PDE10A: variants seen among roughly 807,000 people sequenced by gnomAD.
The protein encoded by PDE10A is phosphodiesterase 10A.
A neutral mutation model predicts 97.7 loss-of-function variants in PDE10A; 39 were observed. The observed-to-expected ratio is 0.40, with a 90% CI of 0.31 to 0.52. The LOEUF is 0.52. PDE10A is among the 20% of genes least tolerant of loss of function. PDE10A has a pLI of 0.56. For missense variants in PDE10A, 731 were observed against 1,047.8 expected (o/e 0.70, Z 4.17); for synonymous variants, 371 against 376.8 (o/e 0.98, Z 0.18).
intron 1 of PDE10A, among the ~76,000 whole-genome samples, chr6:165,717,410 T>C (rs1792051024): frequency 6.6e-6 from 1 of 152,130 alleles, no homozygotes; most frequent in African/African-American, 2.4e-5. Context: ...ACCAATATGA[T>C]GAAACCCTGT....
chr6:165,535,689 G>T (rs879402878), intron 2 of PDE10A, among the ~76,000 whole-genome samples: 3 of 151,452 alleles, frequency 2.0e-5, no homozygotes, highest in African/African-American at 4.8e-5. Context: ...TTTTGCTATT[G>T]TGAATAGTGC....
At chr6:165,452,132 T>C (rs573458196) in intron 3 of PDE10A, among the ~76,000 whole-genome samples, 3 of 152,334 alleles carry the variant, frequency 2.0e-5, no homozygotes, top group South Asian at 2.1e-4. Context: ...TATGTGAATA[T>C]ATACCTGGCT....
chr6:165,840,402 T>G (rs545929751), intron 1 of PDE10A, among the ~76,000 whole-genome samples: 1 of 152,214 alleles, frequency 6.6e-6, no homozygotes, highest in Non-Finnish European at 1.5e-5. Context: ...TTTGCTCCAT[T>G]CTAGAGCTGA....
intron 1 of PDE10A, among the ~76,000 whole-genome samples, chr6:165,908,388 T>C (rs1255661071): frequency 1.3e-5 from 2 of 152,128 alleles, no homozygotes; most frequent in East Asian, 1.9e-4. Flanking sequence ...TGGGCTACCG[T>C]TGGGTTGGAG....
At chr6:165,484,203 A>G (rs1779765743) in intron 2 of PDE10A, among the ~76,000 whole-genome samples, 1 of 152,176 alleles carries the variant, frequency 6.6e-6, no homozygotes, top group South Asian at 2.1e-4. Flanking sequence ...ATTTAGTTGA[A>G]CTCTCTTGCC....
intron 18 of PDE10A, among the ~76,000 whole-genome samples, chr6:165,344,636 C>T (rs988906046): frequency 6.6e-6 from 1 of 152,190 alleles, no homozygotes; most frequent in Admixed American, 6.5e-5. Context: ...TAGTAGTGCT[C>T]TTAGCACATC....
At chr6:165,623,016 G>A (rs1201707174) in intron 1 of PDE10A, among the ~76,000 whole-genome samples, 6 of 152,262 alleles carry the variant, frequency 3.9e-5, no homozygotes, top group Non-Finnish European at 7.4e-5. Context: ...TTCACCTTCT[G>A]CCATGAGTGT....
intron 6 of PDE10A, among the ~76,000 whole-genome samples, chr6:165,434,353 C>A (rs1359265759): frequency 1.3e-5 from 2 of 150,928 alleles, no homozygotes; most frequent in African/African-American, 2.4e-5. Context: ...GGTGGAAAAA[C>A]CAAAATTAAA....
At chr6:165,772,028 T>C (rs1583066134) in intron 1 of PDE10A, among the ~76,000 whole-genome samples, 1 of 152,212 alleles carries the variant, frequency 6.6e-6, no homozygotes, top group East Asian at 1.9e-4. Context: ...TTCACCGCCC[T>C]GTCTTTTGCT....
rs758184923 is a variant in PDE10A, at chr6:165,430,352, T to C, written c.1543-7A>G. 12 of 1,546,794 alleles carry C rather than the reference T, an allele frequency of 7.8e-6. No individual in the cohort carries two copies. The South Asian group carries it at 1.2e-4, about 16-fold the overall frequency. ...TGGCAAGGCCTCTGCATACCTACCA[T>C]ATAAAATAATAGGTACAATTACAAG... On this transcript the variant is annotated splice_polypyrimidine_tract_variant and splice_region_variant and intron_variant, in intron 8 of 21. Coordinates refer to ENST00000539869, the MANE Select transcript of PDE10A (RefSeq NM_001385079.1).
At chr6:165,341,261 T>C (rs888481451) in intron 19 of PDE10A, among the ~76,000 whole-genome samples, 2 of 152,216 alleles carry the variant, frequency 1.3e-5, no homozygotes, top group Admixed American at 1.3e-4. Context: ...TGAATCATTA[T>C]CTGTGGACTG....
Position 165,606,641 on chromosome 6 carries a change from G to C in PDE10A, c.865+55306C>G, listed in dbSNP as rs540002304. ...AAATACCACATCACTAATGACTATAGTGGGAACAGGGAAACATTTCTTAAG... is the reference window on the plus strand; with the variant it reads ...AAATACCACATCACTAATGACTATACTGGGAACAGGGAAACATTTCTTAAG... On this transcript the variant is annotated intron_variant, in intron 1 of 21. Coordinates refer to ENST00000539869, the MANE Select transcript of PDE10A (RefSeq NM_001385079.1). 2.6e-5 allele frequency among the ~76,000 whole-genome samples: 4 copies of C among 152,260 alleles called. No individual in the cohort carries two copies. In the East Asian group the frequency reaches 5.8e-4, roughly 22 times the overall value.
intron 1 of PDE10A, among the ~76,000 whole-genome samples, chr6:165,558,088 G>C (rs1213997240): frequency 5.9e-5 from 9 of 152,096 alleles, no homozygotes; most frequent in Non-Finnish European, 8.8e-5. Context: ...ATTTGACCCA[G>C]CCATCCCATT....
At chr6:165,591,963 T>C (rs538923299) in intron 1 of PDE10A, among the ~76,000 whole-genome samples, 25 of 152,208 alleles carry the variant, frequency 1.6e-4, no homozygotes, top group South Asian at 8.3e-4. Flanking sequence ...CCCTGCAGCA[T>C]TGGTTTTAAT....
intron 1 of PDE10A, among the ~76,000 whole-genome samples, chr6:165,625,487 G>A (rs991083643): frequency 5.3e-5 from 8 of 152,190 alleles, no homozygotes; most frequent in Non-Finnish European, 7.3e-5. Flanking sequence ...GAAACTTAAG[G>A]TTTGGTTTTG....
intron 3 of PDE10A, among the ~76,000 whole-genome samples, chr6:165,450,675 C>T (rs977089118): frequency 4.6e-5 from 7 of 152,046 alleles, no homozygotes. Context: ...CCCACCTCAG[C>T]CTCCCAAGCA....
chr6:165,805,947 G>A (rs1779124656), intron 1 of PDE10A, among the ~76,000 whole-genome samples: 1 of 146,672 alleles, frequency 6.8e-6, no homozygotes, highest in East Asian at 2.0e-4. Flanking sequence ...GTGTATCTCA[G>A]CCTCCTTAAA....
intron 2 of PDE10A, among the ~76,000 whole-genome samples, chr6:165,514,788 A>G (rs1206567862): frequency 6.6e-6 from 1 of 152,236 alleles, no homozygotes; most frequent in Non-Finnish European, 1.5e-5. Flanking sequence ...GCTCCAGGCC[A>G]TAACACCATG....
intron 17 of PDE10A, among the ~76,000 whole-genome samples, chr6:165,383,174 T>C (rs1785042838): frequency 6.6e-6 from 1 of 152,128 alleles, no homozygotes; most frequent in Non-Finnish European, 1.5e-5. Flanking sequence ...ATTAAGAAAA[T>C]GTTCTCAATA....
Sources: allele counts gnomAD v4.1 joint callset (sites outside exome capture counted in the v4.1 genomes callset), GRCh38; gene constraint gnomAD v4.1.1; transcripts MANE v1.5; gene names NCBI Gene and HGNC (gene_info 2026-07-23, HGNC 2026-07-21).